FAR1: variants seen among roughly 807,000 people sequenced by gnomAD.
FAR1 encodes the protein male sterility domain-containing protein 2.
Under a neutral mutation model 61.1 loss-of-function variants are expected in FAR1, and 22 were observed. That is an observed-to-expected ratio of 0.36 (90% CI 0.26 to 0.51). The LOEUF is 0.51. FAR1 is among the 20% of genes least tolerant of loss of function. The pLI is 0.95. For missense variants in FAR1, 359 were observed against 626.9 expected (o/e 0.57, Z 4.56); for synonymous variants, 206 against 209.7 (o/e 0.98, Z 0.15).
chr11:13,693,043 G>A (rs1345254961), intron 1 of FAR1, among the ~76,000 whole-genome samples: 1 of 152,160 alleles, frequency 6.6e-6, no homozygotes, highest in East Asian at 1.9e-4. Flanking sequence ...TCTCAAAAGA[G>A]CTTTTCCACA....
In FAR1 at chr11:13,700,398, C is replaced by G. The variant is rs78729733; in HGVS notation, c.271C>G (p.Leu91Val). 6.2e-7 allele frequency: 1 copy of G among 1,603,536 alleles called. No homozygotes were observed. Among genetic ancestry groups the G allele is most frequent in the African/African-American group, 1.3e-5 (1 of 74,274 alleles). Residue 91 changes from leucine to valine, a missense_variant, in exon 3 of 12, where the codon CTG becomes GTG. Coordinates refer to ENST00000354817, the MANE Select transcript of FAR1 (RefSeq NM_032228.6). ...CAACAGCGAACTCACCCAACCTAAA[C>G]TGGCTCTCAGTGAAGAAGATAAAGA... ...AINSELTQPKLALSEEDKEVI... is the reference protein window; with the variant it reads ...AINSELTQPKVALSEEDKEVI...
chr11:13,716,154 T>G (rs531299939), intron 9 of FAR1, among the ~76,000 whole-genome samples: 1 of 152,276 alleles, frequency 6.6e-6, no homozygotes, highest in East Asian at 1.9e-4. Flanking sequence ...GTGCATGCTT[T>G]CTTTATATTA....
In FAR1 at chr11:13,724,371, C is replaced by A. The variant is rs191133028; in HGVS notation, c.1257+2512C>A. On this transcript the variant is annotated intron_variant, in intron 10 of 11. Coordinates refer to ENST00000354817, the MANE Select transcript of FAR1 (RefSeq NM_032228.6). Reference sequence around the variant, plus strand: ...GACCAGCCTGGGCAACAAAGTGAGACCCTCTCTCTACAGAAAAAAAAAAGA... The same window carrying A: ...GACCAGCCTGGGCAACAAAGTGAGAACCTCTCTCTACAGAAAAAAAAAAGA... Among the ~76,000 whole-genome samples the A allele has an allele frequency of 3.3e-3, 494 of 151,792 alleles. 3 individuals carry two copies. Among genetic ancestry groups the A allele is most frequent in the African/African-American group, 0.011 (470 of 41,364 alleles).
At chr11:13,687,286 C>T (rs1398246580) in intron 1 of FAR1, among the ~76,000 whole-genome samples, 7 of 152,278 alleles carry the variant, frequency 4.6e-5, no homozygotes, top group African/African-American at 9.6e-5. Flanking sequence ...TAGCTAGCTA[C>T]GACTGCTAGG....
intron 4 of FAR1, 130 bp from the exon 5 acceptor site, chr11:13,710,563 T>C (rs1463298972): frequency 2.7e-6 from 2 of 727,812 alleles, no homozygotes; most frequent in African/African-American, 1.9e-5. Context: ...AGTTCCATTT[T>C]TCAGTAAAAG....
At chr11:13,678,143 G>C (rs888700947) in intron 1 of FAR1, among the ~76,000 whole-genome samples, 2 of 152,306 alleles carry the variant, frequency 1.3e-5, no homozygotes, top group South Asian at 2.1e-4. Context: ...GCAGCAACTG[G>C]ATATACTAGT....
In FAR1 at chr11:13,694,823, G is replaced by A. The variant is rs1405931040; in HGVS notation, c.58G>A (p.Gly20Ser). The A allele has an allele frequency of 6.2e-7, 1 of 1,613,972 alleles. No homozygotes were observed. Among genetic ancestry groups the A allele is most frequent in the Admixed American group, 1.7e-5 (1 of 60,008 alleles). The change falls in exon 2 of 12, where the codon GGT becomes AGT. Residue 20 changes from glycine (G) to serine (S), a missense_variant. Gly to Ser is a moderately conservative substitution (Grantham distance 56, BLOSUM62 0). Coordinates refer to ENST00000354817, the MANE Select transcript of FAR1 (RefSeq NM_032228.6). ...GKNVLLTGAT[G>S]FLGKVLLEKL... Reference sequence around the variant, plus strand: ...GAACGTCCTCCTCACAGGAGCTACCGGTTTTCTAGGGAAGGTGCTTCTGGA... The same window carrying A: ...GAACGTCCTCCTCACAGGAGCTACCAGTTTTCTAGGGAAGGTGCTTCTGGA...
chr11:13,728,880 T>G lies in FAR1; in HGVS notation c.*106T>G. Reference sequence around the variant, plus strand: ...TTTTTGTCAAGACATTAAACCATCTTAGATCGGAGTGTGAAGTAAATTATG... The same window carrying G: ...TTTTTGTCAAGACATTAAACCATCTGAGATCGGAGTGTGAAGTAAATTATG... On this transcript the variant is annotated 3_prime_UTR_variant, in exon 12 of 12. Transcript: ENST00000354817. The G allele has an allele frequency of 2.0e-6, 2 of 1,025,092 alleles. No individual in the cohort carries two copies. Among genetic ancestry groups the G allele is most frequent in the Non-Finnish European group, 1.4e-6 (1 of 700,902 alleles). The allele number at this position is 1,025,092 out of a possible 1,614,324, so 63.5% of individuals were successfully genotyped here. A position where few individuals can be genotyped will look rare whatever the true frequency, so the allele number is the denominator to read the frequency against.
Position 13,715,416 on chromosome 11 carries a change from G to A in FAR1, c.1127+736G>A, listed in dbSNP as rs1848545424. On this transcript the variant is annotated intron_variant, in intron 9 of 11. Transcript: ENST00000354817. ...CATTGTTATTATAAGCTGAAATTAA[G>A]CCCTTCTCTCCCTCTTAAAAACCTA... Among the ~76,000 whole-genome samples the A allele has an allele frequency of 1.3e-5, 2 of 152,090 alleles. 1 individual carries two copies. Among genetic ancestry groups the A allele is most frequent in the Admixed American group, 1.3e-4 (2 of 15,264 alleles).
rs1221099495 is a variant in FAR1, at chr11:13,690,076, A to G, written c.-7-4683A>G. On this transcript the variant is annotated intron_variant, in intron 1 of 11. Transcript: ENST00000354817. ...TTTTTAGTAGAGACGGGGTTTCACCATGTTGGCCAGGCTGGTCTCTGAACT... is the reference window on the plus strand; with the variant it reads ...TTTTTAGTAGAGACGGGGTTTCACCGTGTTGGCCAGGCTGGTCTCTGAACT... Among the ~76,000 whole-genome samples, 4 of 151,812 alleles carry G rather than the reference A, an allele frequency of 2.6e-5. No homozygotes were observed. In the East Asian group the frequency reaches 5.8e-4, roughly 22 times the overall value.
At chr11:13,697,617 G>A (rs1423684026) in intron 2 of FAR1, among the ~76,000 whole-genome samples, 1 of 152,114 alleles carries the variant, frequency 6.6e-6, no homozygotes, top group African/African-American at 2.4e-5. Flanking sequence ...GTAAAGAGAT[G>A]TTGGCCAGAG....
At chr11:13,718,637 T>G (rs1331297637) in intron 9 of FAR1, among the ~76,000 whole-genome samples, 1 of 152,228 alleles carries the variant, frequency 6.6e-6, no homozygotes, top group Non-Finnish European at 1.5e-5. Flanking sequence ...TGTTGAGATT[T>G]GTTAATCTGT....
chr11:13,707,856 C>A, intron 3 of FAR1, 44 bp from the exon 4 acceptor site: 1 of 1,389,998 alleles, frequency 7.2e-7, no homozygotes, highest in Non-Finnish European at 9.5e-7. Context: ...GGTAAAATAA[C>A]ATAGCTTCCC....
intron 1 of FAR1, among the ~76,000 whole-genome samples, chr11:13,671,636 T>G (rs754383932): frequency 6.6e-6 from 1 of 152,238 alleles, no homozygotes; most frequent in Non-Finnish European, 1.5e-5. Flanking sequence ...GGTGCTACTT[T>G]GTGGCAGACA....
intron 1 of FAR1, among the ~76,000 whole-genome samples, chr11:13,688,112 A>T (rs543722124): frequency 1.0e-3 from 157 of 152,268 alleles, no homozygotes; most frequent in African/African-American, 2.7e-3. Context: ...TAATAAAATT[A>T]AAAAAATTTG....
chr11:13,726,557 G>C (rs1187367145), intron 10 of FAR1, among the ~76,000 whole-genome samples: 1 of 151,726 alleles, frequency 6.6e-6, no homozygotes, highest in African/African-American at 2.4e-5. Context: ...TCTAATAGTT[G>C]TTCTTTTGGA....
chr11:13,721,723 A>C lies in FAR1; in HGVS notation c.1128-7A>C. The C allele has an allele frequency of 6.2e-7, 1 of 1,606,340 alleles. No homozygotes were observed. Among genetic ancestry groups the C allele is most frequent in the Non-Finnish European group, 8.5e-7 (1 of 1,177,574 alleles). ...ATATGAATCTGTCCATTTTTCTTAC[A>C]ATACAGGATGATGAAAACAATAACT... On this transcript the variant is annotated splice_polypyrimidine_tract_variant and splice_region_variant and intron_variant, in intron 9 of 11. Transcript: ENST00000354817. The surrounding 1 kb of genome is among the most constrained non-coding windows in gnomAD (Gnocchi z 4.2).
intron 4 of FAR1, among the ~76,000 whole-genome samples, chr11:13,709,015 C>A (rs1268355358): frequency 6.6e-6 from 1 of 152,110 alleles, no homozygotes; most frequent in Non-Finnish European, 1.5e-5. Context: ...AAAGAGAGAT[C>A]TTTTTTACTT....
intron 9 of FAR1, among the ~76,000 whole-genome samples, chr11:13,716,848 T>A (rs1848562688): frequency 6.6e-6 from 1 of 152,120 alleles, no homozygotes; most frequent in African/African-American, 2.4e-5. Context: ...ACGTGCAGAT[T>A]TGTTACATAT....
Sources: gnomAD v4.1 joint callset for allele counts (sites outside exome capture counted in the v4.1 genomes callset) on GRCh38, gnomAD v4.1.1 for gene constraint, Gnocchi (gnomAD v3.1) non-coding constraint, MANE v1.5 for transcripts, NCBI Gene and HGNC (gene_info 2026-07-23, HGNC 2026-07-21) for gene names.